Variants in EPM2A observed in about 807,000 individuals in gnomAD.
The protein encoded by EPM2A is laforin.
A neutral mutation model predicts 26.5 loss-of-function variants in EPM2A; 21 were observed. That is an observed-to-expected ratio of 0.79 (90% CI 0.56 to 1.14). EPM2A has a LOEUF of 1.14. Among genes scored for constraint, EPM2A ranks in the 50% most tolerant of loss-of-function variants. The pLI is 0.00. For synonymous variants in EPM2A, 217 were observed against 177.6 expected, an observed-to-expected ratio of 1.22 and a Z score of -1.76; for missense variants, 458 against 440.8, an observed-to-expected ratio of 1.04 and a Z score of -0.35.
chr6:145,459,663 A>G (rs1369846425), intron 4 of EPM2A, among the ~76,000 whole-genome samples: 1 of 152,072 alleles, frequency 6.6e-6, no homozygotes, highest in Admixed American at 6.6e-5. Context: ...CTACCATCTT[A>G]CTGCTATCTC....
chr6:145,708,704 G>T (rs1399337343), intron 1 of EPM2A, among the ~76,000 whole-genome samples: 2 of 152,210 alleles, frequency 1.3e-5, no homozygotes, highest in Non-Finnish European at 2.9e-5. Flanking sequence ...CTAGGGCAGT[G>T]CAGAAGAAAA....
rs117438375 is a variant in EPM2A at position 145,532,156 on chromosome 6, C to T, written c.341-29581G>A. ...CCCGGAATAAGAACAATGACTGCCT[C>T]GCCTAACAGACCTGTTGCTGCCACA... On this transcript the variant is annotated intron_variant, in intron 2 of 3. Coordinates refer to the EPM2A transcript ENST00000450221. Among the ~76,000 whole-genome samples, 345 of 152,274 alleles carry T rather than the reference C, an allele frequency of 2.3e-3. 4 individuals carry two copies. In the East Asian group the frequency reaches 0.038, roughly 17 times the overall value.
At chr6:145,677,118 C>A (rs1780110615) in intron 2 of EPM2A, among the ~76,000 whole-genome samples, 1 of 152,100 alleles carries the variant, frequency 6.6e-6, no homozygotes, top group South Asian at 2.1e-4. Context: ...GGGATGCAAG[C>A]CTCATTCAAC....
chr6:145,727,210 G>A lies in EPM2A; in HGVS notation c.301+7988C>T, dbSNP rs190374468. Among the ~76,000 whole-genome samples, 4 of 152,096 alleles carry A rather than the reference G, an allele frequency of 2.6e-5. No homozygotes were observed. In the East Asian group the frequency reaches 5.8e-4, roughly 22 times the overall value. ...CCAAATATGACATATATAAGGAAAC[G>A]AGAAGATAAGGACACTGGCTATATC... On this transcript the variant is annotated intron_variant, in intron 1 of 3. Coordinates refer to ENST00000367519, the MANE Select transcript of EPM2A (RefSeq NM_005670.4).
At chr6:145,512,384 C>A (rs1367213111) in intron 2 of EPM2A, among the ~76,000 whole-genome samples, 2 of 152,034 alleles carry the variant, frequency 1.3e-5, no homozygotes, top group African/African-American at 4.8e-5. Context: ...TACCATGGTA[C>A]TGGTACTAAA....
chr6:145,623,894 G>C (rs1278027661), downstream of EPM2A, among the ~76,000 whole-genome samples: 1 of 152,214 alleles, frequency 6.6e-6, no homozygotes, highest in Non-Finnish European at 1.5e-5. Flanking sequence ...TTGAAATAAA[G>C]AGAGGAGTCA....
intron 2 of EPM2A, among the ~76,000 whole-genome samples, chr6:145,563,389 G>A (rs752468136): frequency 5.7e-4 from 86 of 151,956 alleles, no homozygotes; most frequent in Non-Finnish European, 7.4e-5. Context: ...AAAGCCCACG[G>A]TGGTGAAAGT....
chr6:145,603,027 C>T (rs1273002400), intron 2 of EPM2A, among the ~76,000 whole-genome samples: 1 of 152,122 alleles, frequency 6.6e-6, no homozygotes, highest in African/African-American at 2.4e-5. Flanking sequence ...TCCTAGAATT[C>T]ATTTCAATGA....
intron 2 of EPM2A, among the ~76,000 whole-genome samples, chr6:145,574,971 C>A (rs1199327090): frequency 6.6e-6 from 1 of 152,126 alleles, no homozygotes; most frequent in Non-Finnish European, 1.5e-5. Context: ...TAGTGCACCT[C>A]CTCATGGGTC....
chr6:145,428,963 GTTGCCAT>G (rs1778887126), intron 4 of EPM2A, among the ~76,000 whole-genome samples: 1 of 152,140 alleles, frequency 6.6e-6, no homozygotes, highest in Non-Finnish European at 1.5e-5. Context: ...TTAAAACCAC[GTTGCCAT>G]TTGTATTCAG....
chr6:145,446,476 T>G (rs549748361), intron 4 of EPM2A, among the ~76,000 whole-genome samples: 1 of 152,224 alleles, frequency 6.6e-6, no homozygotes, highest in Non-Finnish European at 1.5e-5. Flanking sequence ...GCAGATATCA[T>G]ACATGAAAAG....
At chr6:145,625,100 T>C (rs1430526433), downstream of EPM2A, among the ~76,000 whole-genome samples, 1 of 152,194 alleles carries the variant, frequency 6.6e-6, no homozygotes, top group Non-Finnish European at 1.5e-5. Context: ...TAAGTTTTCA[T>C]CCTCACTTCT....
At chr6:145,465,789 G>T (rs1174675859) in intron 4 of EPM2A, among the ~76,000 whole-genome samples, 1 of 152,022 alleles carries the variant, frequency 6.6e-6, no homozygotes, top group Non-Finnish European at 1.5e-5. Context: ...CCAAAACAGA[G>T]ATATAGATCA....
chr6:145,619,631 G>T (rs1332949415), intron 2 of EPM2A, among the ~76,000 whole-genome samples: 1 of 152,110 alleles, frequency 6.6e-6, no homozygotes, highest in Non-Finnish European at 1.5e-5. Context: ...AGCTAGAAAT[G>T]GGGTGGAGTG....
intron 4 of EPM2A, among the ~76,000 whole-genome samples, chr6:145,423,985 G>A (rs894478762): frequency 6.6e-6 from 1 of 152,158 alleles, no homozygotes; most frequent in Non-Finnish European, 1.5e-5. Flanking sequence ...ATGAGATGAA[G>A]CCAATGGGGC....
chr6:145,392,841 T>A (rs1778355973), intron 4 of EPM2A, among the ~76,000 whole-genome samples: 1 of 152,054 alleles, frequency 6.6e-6, no homozygotes, highest in Non-Finnish European at 1.5e-5. Flanking sequence ...ATCTTGTACT[T>A]ATGTGGGAAG....
intron 2 of EPM2A, among the ~76,000 whole-genome samples, chr6:145,669,018 T>G (rs1779449325): frequency 6.6e-6 from 1 of 152,164 alleles, no homozygotes; most frequent in Non-Finnish European, 1.5e-5. Context: ...TGTGAGTAGG[T>G]CTGTGTGTTG....
At chr6:145,401,796 A>C (rs909565337) in intron 4 of EPM2A, among the ~76,000 whole-genome samples, 2 of 152,144 alleles carry the variant, frequency 1.3e-5, no homozygotes, top group Non-Finnish European at 2.9e-5. Context: ...TGGCAAGTCA[A>C]AAGGATATGG....
chr6:145,510,802 A>G (rs1009114741), intron 2 of EPM2A, among the ~76,000 whole-genome samples: 2 of 152,194 alleles, frequency 1.3e-5, no homozygotes, highest in South Asian at 2.1e-4. Context: ...ATGATCAACA[A>G]AATGAAAAGT....
Sources: allele counts gnomAD v4.1 joint callset (sites outside exome capture counted in the v4.1 genomes callset), GRCh38; gene constraint gnomAD v4.1.1; transcripts MANE v1.5; gene names NCBI Gene and HGNC (gene_info 2026-07-23, HGNC 2026-07-21).